Variants in ITPR2 observed in about 807,000 individuals in gnomAD.
ITPR2 encodes the protein inositol 1,4,5-trisphosphate-gated calcium channel ITPR2.
ITPR2 carries 207 observed loss-of-function variants against 317.1 expected under a neutral mutation model. The ratio of observed to expected loss-of-function variants is 0.65; its 90% CI spans 0.58 to 0.73. The LOEUF (loss-of-function observed/expected upper bound fraction) is 0.73, where lower values mean the gene tolerates loss of function less well. Among genes scored for constraint, ITPR2 ranks in the 30% least tolerant of loss-of-function variants. The pLI is 0.00. For missense variants in ITPR2, 2,613 were observed against 3,284.0 expected, an observed-to-expected ratio of 0.80 and a Z score of 4.99; for synonymous variants, 1,156 against 1,149.1, an observed-to-expected ratio of 1.01 and a Z score of -0.12.
At chr12:26,509,793 G>A (rs1345330908) in intron 37 of ITPR2, among the ~76,000 whole-genome samples, 1 of 151,984 alleles carries the variant, frequency 6.6e-6, no homozygotes, top group Non-Finnish European at 1.5e-5. Context: ...CTGAATATAG[G>A]CTAGACAGTT....
intron 18 of ITPR2, among the ~76,000 whole-genome samples, chr12:26,656,932 A>G (rs1049351160): frequency 4.6e-5 from 7 of 151,960 alleles, no homozygotes; most frequent in African/African-American, 1.2e-4. Context: ...TAGTGTCTAC[A>G]CTCCAGGTTT....
chr12:26,539,137 A>T lies in ITPR2; in HGVS notation c.5073+11110T>A, dbSNP rs139717232. On this transcript the variant is annotated intron_variant, in intron 37 of 56. Coordinates refer to ENST00000381340, the MANE Select transcript of ITPR2 (RefSeq NM_002223.4). ...AGGACCTGTTCAAACAGTATCCCGA[A>T]ATTAGTGTATTTGATAGAAAAGGTG... Among the ~76,000 whole-genome samples, 256 of 152,298 alleles carry T rather than the reference A, an allele frequency of 1.7e-3. 1 individual carries two copies. Among genetic ancestry groups the T allele is most frequent in the African/African-American group, 5.9e-3 (246 of 41,568 alleles).
intron 13 of ITPR2, among the ~76,000 whole-genome samples, chr12:26,678,179 G>A (rs1034912604): frequency 6.6e-6 from 1 of 152,114 alleles, no homozygotes; most frequent in African/African-American, 2.4e-5. Flanking sequence ...TGCTGGTCAG[G>A]GACTGCCTGT....
intron 9 of ITPR2, among the ~76,000 whole-genome samples, chr12:26,710,184 G>C (rs1056632058): frequency 1.3e-5 from 2 of 152,128 alleles, no homozygotes; most frequent in Non-Finnish European, 2.9e-5. Flanking sequence ...AGTGCATCAC[G>C]GCACTCCAGC....
intron 37 of ITPR2, among the ~76,000 whole-genome samples, chr12:26,523,061 A>G (rs1200505412): frequency 6.6e-6 from 1 of 152,242 alleles, no homozygotes; most frequent in African/African-American, 2.4e-5. Flanking sequence ...TATTTGGAGT[A>G]AAATAGAAGT....
intron 9 of ITPR2, among the ~76,000 whole-genome samples, chr12:26,703,568 C>T (rs1948494920): frequency 6.6e-6 from 1 of 152,188 alleles, no homozygotes; most frequent in African/African-American, 2.4e-5. Flanking sequence ...TAAATAGCAG[C>T]TCCCATTCCC....
In ITPR2 at chr12:26,556,368, A is replaced by G. The variant is rs750137649; in HGVS notation, c.4829T>C (p.Val1610Ala). 1.1e-5 allele frequency: 18 copies of G among 1,612,112 alleles called. No individual in the cohort carries two copies. The highest frequency in any genetic ancestry group is 1.5e-5 in the Non-Finnish European group (18 of 1,179,442). ...GCTGAACTGGTGCTCCAAGGAGGCC[A>G]CTACATCCTAGGGAATGAAACACAA... ...RNIIEKLQDV[V>A]ASLEHQFSPM... Residue 1610 changes from valine to alanine, a missense_variant, in exon 36 of 57, where the codon GTG becomes GCG. Val to Ala is a moderately conservative substitution (Grantham distance 64, BLOSUM62 0). Around this residue, in one of 9 missense-constraint regions of ITPR2, gnomAD observed 926 missense variants for 1,072.8 expected, o/e 0.86. Transcript: ENST00000381340.
chr12:26,483,088 T>C (rs922777863), intron 42 of ITPR2, among the ~76,000 whole-genome samples: 3 of 152,082 alleles, frequency 2.0e-5, no homozygotes, highest in Admixed American at 6.5e-5. Flanking sequence ...ATCCTTGATA[T>C]CCCAGAAAAC....
intron 35 of ITPR2, among the ~76,000 whole-genome samples, chr12:26,560,636 T>C (rs542257657): frequency 6.6e-6 from 1 of 152,300 alleles, no homozygotes; most frequent in South Asian, 2.1e-4. Flanking sequence ...CCACCTGGCT[T>C]AGACCTTAAG....
intron 26 of ITPR2, among the ~76,000 whole-genome samples, chr12:26,609,914 A>ACTCATCTGT (rs1946225353): frequency 6.6e-6 from 1 of 152,208 alleles, no homozygotes; most frequent in African/African-American, 2.4e-5. Flanking sequence ...ATTTATTGAA[A>ACTCATCTGT]CTCATCTGTC....
intron 45 of ITPR2, among the ~76,000 whole-genome samples, chr12:26,464,480 C>T (rs979834538): frequency 2.0e-5 from 3 of 152,196 alleles, no homozygotes; most frequent in Non-Finnish European, 4.4e-5. Context: ...TGCTTGCTTG[C>T]CTGCCACTCA....
intron 2 of ITPR2, among the ~76,000 whole-genome samples, chr12:26,732,955 C>A (rs772893669): frequency 1.3e-5 from 2 of 152,196 alleles, no homozygotes; most frequent in African/African-American, 4.8e-5. Context: ...GCCTCTTTCC[C>A]ATAATAGATG....
At chr12:26,612,753 G>A (rs570950778) in intron 26 of ITPR2, among the ~76,000 whole-genome samples, 3 of 152,076 alleles carry the variant, frequency 2.0e-5, no homozygotes, top group Non-Finnish European at 4.4e-5. Context: ...GAAGCATTCC[G>A]GATTCTGTCA....
At chr12:26,646,846 A>G (rs1181716214) in intron 21 of ITPR2, among the ~76,000 whole-genome samples, 1 of 152,246 alleles carries the variant, frequency 6.6e-6, no homozygotes, top group South Asian at 2.1e-4. Flanking sequence ...TATACCAACA[A>G]AAAGGATTAT....
At chr12:26,507,869 G>C (rs1186350996) in intron 37 of ITPR2, among the ~76,000 whole-genome samples, 2 of 151,128 alleles carry the variant, frequency 1.3e-5, no homozygotes, top group African/African-American at 4.9e-5. Context: ...GTCTCTGTGT[G>C]TGTGTGTGTG....
intron 21 of ITPR2, among the ~76,000 whole-genome samples, chr12:26,641,093 G>A (rs1398043730): frequency 1.3e-5 from 2 of 152,164 alleles, no homozygotes; most frequent in East Asian, 1.9e-4. Context: ...CACAGAGTCA[G>A]AGAGAACAAT....
At chr12:26,575,746 T>C (rs565077624) in intron 34 of ITPR2, among the ~76,000 whole-genome samples, 19 of 152,218 alleles carry the variant, frequency 1.2e-4, no homozygotes, top group Non-Finnish European at 1.9e-4. Flanking sequence ...CTAATATAGT[T>C]TCAGTAACTA....
chr12:26,616,709 T>C (rs1420487699), intron 26 of ITPR2, among the ~76,000 whole-genome samples: 1 of 152,126 alleles, frequency 6.6e-6, no homozygotes, highest in African/African-American at 2.4e-5. Context: ...ATTTAAGAGA[T>C]GAGTAAAATT....
At chr12:26,832,474 G>A (rs1470243853) in intron 1 of ITPR2, among the ~76,000 whole-genome samples, 3 of 152,266 alleles carry the variant, frequency 2.0e-5, no homozygotes, top group Non-Finnish European at 4.4e-5. Context: ...CTGAGCTTGA[G>A]ATTACGAAGT....
Sources: gnomAD v4.1 joint callset for allele counts (sites outside exome capture counted in the v4.1 genomes callset) on GRCh38, gnomAD v4.1.1 for gene constraint, gnomAD v4.1.1 regional missense constraint, MANE v1.5 for transcripts, NCBI Gene and HGNC (gene_info 2026-07-23, HGNC 2026-07-21) for gene names.